The following OGA variants were observed in gnomAD, a reference collection of about 807,000 sequenced individuals.
OGA encodes the protein protein O-GlcNAcase.
Under a neutral mutation model 102.0 loss-of-function variants are expected in OGA, and 21 were observed. The ratio of observed to expected loss-of-function variants is 0.21; its 90% CI spans 0.15 to 0.30. The LOEUF is 0.30. Among genes scored for constraint, OGA ranks in the 10% least tolerant of loss-of-function variants. The pLI is 1.00. For synonymous variants in OGA, 408 were observed against 378.2 expected (o/e 1.08, Z -0.91); for missense variants, 765 against 1,107.8 (o/e 0.69, Z 4.39).
chr10:101,786,725 A>C (rs2065193382), intron 15 of OGA, 138 bp from the exon 16 acceptor site: 1 of 738,430 alleles, frequency 1.4e-6, no homozygotes, highest in East Asian at 3.2e-5. Context: ...TCACACAATT[A>C]AAAAAATTCA....
chr10:101,788,570 A>G (rs570566782), intron 14 of OGA, among the ~76,000 whole-genome samples: 65 of 152,076 alleles, frequency 4.3e-4, no homozygotes, highest in Middle Eastern at 6.8e-3. Flanking sequence ...CCCCGTATCT[A>G]GTAAAAATAC....
chr10:101,804,129 G>T, intron 6 of OGA, 110 bp from the exon 7 acceptor site: 1 of 949,298 alleles, frequency 1.1e-6, no homozygotes, highest in Non-Finnish European at 1.6e-6. Flanking sequence ...CAGATCATTT[G>T]AGCCCAGGAG....
intron 1 of OGA, among the ~76,000 whole-genome samples, chr10:101,815,417 T>C (rs1360336052): frequency 6.6e-6 from 1 of 152,140 alleles, no homozygotes; most frequent in Non-Finnish European, 1.5e-5. Flanking sequence ...CCCGAGTAGT[T>C]GGGATTACAG....
At chr10:101,813,236 T>C (rs765344497) in intron 2 of OGA, 109 bp from the exon 3 acceptor site, 6 of 752,724 alleles carry the variant, frequency 8.0e-6, no homozygotes, top group Non-Finnish European at 1.1e-5. Context: ...GCTAATATTC[T>C]ATGACAGTAG....
chr10:101,810,019 C>T (rs901215645), intron 4 of OGA, among the ~76,000 whole-genome samples, 165 bp downstream of exon 4: 9 of 152,028 alleles, frequency 5.9e-5, no homozygotes, highest in African/African-American at 2.2e-4. Context: ...GCACTCCAGT[C>T]TGGGCGACAG....
intron 14 of OGA, among the ~76,000 whole-genome samples, chr10:101,789,130 G>A (rs185032811): frequency 8.6e-4 from 131 of 152,284 alleles, no homozygotes; most frequent in African/African-American, 2.7e-3. Context: ...CCAAGTAAGC[G>A]AGGCAACACC....
intron 1 of OGA, among the ~76,000 whole-genome samples, chr10:101,817,459 C>T (rs1198739989): frequency 6.6e-6 from 1 of 152,154 alleles, no homozygotes; most frequent in Non-Finnish European, 1.5e-5. Flanking sequence ...GACAGAAGCA[C>T]TACACATATT....
At chr10:101,813,723 AC>A (rs2135097072) in intron 1 of OGA, 117 bp from the exon 2 acceptor site, 2 of 517,536 alleles carry the variant, frequency 3.9e-6, no homozygotes, top group Non-Finnish European at 6.9e-6. Flanking sequence ...CATAAAATAC[AC>A]CAAATCGGAA....
At chr10:101,791,875 G>A (rs2065263429) in intron 12 of OGA, among the ~76,000 whole-genome samples, 1 of 150,654 alleles carries the variant, frequency 6.6e-6, no homozygotes, top group South Asian at 2.1e-4. Context: ...CACCTAGACT[G>A]GAGTGCAATG....
chr10:101,816,621 A>G lies in OGA; in HGVS notation c.199+1203T>C, dbSNP rs533294263. On this transcript the variant is annotated intron_variant, in intron 1 of 15. Coordinates refer to ENST00000361464, the MANE Select transcript of OGA (RefSeq NM_012215.5). ...CACTCAAGCCAATAAATACAACGAT[A>G]TAAGTCACACAATGCAATCATTTTT... is the stretch of plus-strand genomic sequence containing the variant. Among the ~76,000 whole-genome samples the G allele has an allele frequency of 5.9e-5, 9 of 152,344 alleles. No individual in the cohort carries two copies. In the South Asian group the frequency reaches 1.2e-3, roughly 21 times the overall value.
chr10:101,809,578 T>C (rs1289315244), intron 4 of OGA, among the ~76,000 whole-genome samples: 6 of 150,550 alleles, frequency 4.0e-5, no homozygotes, highest in East Asian at 3.9e-4. Flanking sequence ...TAGCCAGGCA[T>C]GGTGGTGTGC....
intron 1 of OGA, among the ~76,000 whole-genome samples, chr10:101,815,844 A>G (rs1400705988): frequency 2.0e-5 from 3 of 151,994 alleles, no homozygotes; most frequent in African/African-American, 7.3e-5. Context: ...AATGTAAGTT[A>G]AAAACCAAGA....
In OGA at chr10:101,789,020, A is replaced by AT. The variant is rs569225550; in HGVS notation, c.2455-1498dup. 5.3e-5 allele frequency among the ~76,000 whole-genome samples: 8 copies of AT among 152,348 alleles called. No individual in the cohort carries two copies. In the East Asian group the frequency reaches 1.5e-3, roughly 29 times the overall value. The stretch of plus-strand genomic sequence containing the variant: ...AATGTGCAAATTTTATGTTATTTAT[A>AT]TTTTACCACAATTTTTAAAAAGTTC... On this transcript the variant is annotated intron_variant, in intron 14 of 15. Coordinates refer to ENST00000361464, the MANE Select transcript of OGA (RefSeq NM_012215.5).
At chr10:101,804,714 C>CTTG (rs2065443970) in intron 6 of OGA, among the ~76,000 whole-genome samples, 1 of 152,062 alleles carries the variant, frequency 6.6e-6, no homozygotes, top group African/African-American at 2.4e-5. Flanking sequence ...CCTCAGCCTC[C>CTTG]CAAGTAGCTG....
At position 101,818,344 on chromosome 10, in the gene OGA, C is replaced by A. The variant is rs1247288729; in HGVS notation, c.-322G>T. On this transcript the variant is annotated 5_prime_UTR_variant, in exon 1 of 16. Transcript: ENST00000361464. Reference sequence around the variant, plus strand: ...AGGGTCCTGTCCTCGTTCTCTGCCTCTGCTGCCCTCCCGATAATCTTAGGT... The same window carrying A: ...AGGGTCCTGTCCTCGTTCTCTGCCTATGCTGCCCTCCCGATAATCTTAGGT... 4.5e-6 allele frequency: 5 copies of A among 1,123,454 alleles called. No homozygotes were observed. Among genetic ancestry groups the A allele is most frequent in the Non-Finnish European group, 5.5e-6 (5 of 916,116 alleles). The allele number at this position is 1,123,454 out of a possible 1,614,324, so 69.6% of individuals were successfully genotyped here.
rs149547657 is a variant in OGA, at chr10:101,790,923, A to G, written c.2427T>C (p.Asn809=). 1.7e-5 allele frequency: 27 copies of G among 1,611,888 alleles called. No homozygotes were observed. The highest frequency in any genetic ancestry group is 2.3e-5 in the Non-Finnish European group (27 of 1,178,514). ...CAGCCTCAGAGAGTTCCTTGTCACC[A>G]TTTGGCTTGGTATACTTCTCCTGCA... is the stretch of plus-strand genomic sequence containing the variant. The part of the protein sequence containing the change: ...PFMQEKYTKP[N]GDKELSEAEK... Residue 809 remains asparagine (N), a synonymous_variant, in exon 14 of 16, where the codon AAT becomes AAC. Transcript: ENST00000361464.
intron 1 of OGA, among the ~76,000 whole-genome samples, chr10:101,817,091 C>A (rs2065638549): frequency 6.6e-6 from 1 of 152,190 alleles, no homozygotes; most frequent in African/African-American, 2.4e-5. Flanking sequence ...CTGAAACAAG[C>A]ATCTGGTAAT....
rs150603768 is a variant in OGA, at chr10:101,813,075, T to C, written c.304A>G (p.Lys102Glu). 1.2e-6 allele frequency: 2 copies of C among 1,613,266 alleles called. No individual in the cohort carries two copies. The highest frequency in any genetic ancestry group is 2.2e-5 in the East Asian group (1 of 44,840). ...ATCTCTCGCCAAAACATCCTATGTTTGTAGTCATCTTTTGGGGCATACAAG... is the reference window on the plus strand; with the variant it reads ...ATCTCTCGCCAAAACATCCTATGTTCGTAGTCATCTTTTGGGGCATACAAG... ...TYLYAPKDDY[K>E]HRMFWREMYS... is the part of the protein sequence containing the mutation. Residue 102 changes from lysine to glutamate, a missense_variant, in exon 3 of 16, where the codon AAA becomes GAA. Physicochemically the swap from Lys to Glu is moderately conservative, Grantham distance 56. Around this residue, in one of 7 missense-constraint regions of OGA, gnomAD observed 165 missense variants for 249.7 expected, o/e 0.66. Transcript: ENST00000361464.
chr10:101,804,891 C>T (rs1196785325), intron 6 of OGA, among the ~76,000 whole-genome samples: 2 of 152,164 alleles, frequency 1.3e-5, no homozygotes, highest in South Asian at 2.1e-4. Context: ...ACCAATGCAC[C>T]CAGCCACAAT....
Sources: allele counts gnomAD v4.1 joint callset (sites outside exome capture counted in the v4.1 genomes callset), GRCh38; gene constraint gnomAD v4.1.1; regional missense constraint gnomAD v4.1.1; transcripts MANE v1.5; gene names NCBI Gene and HGNC (gene_info 2026-07-23, HGNC 2026-07-21).